Variants in IGSF21 observed in about 807,000 individuals in gnomAD.
IGSF21 encodes immunoglobulin superfamily member 21.
IGSF21 carries 28 observed loss-of-function variants against 46.8 expected under a neutral mutation model. The observed-to-expected ratio is 0.60, with a 90% confidence interval of 0.44 to 0.82. IGSF21 has a LOEUF of 0.82. Ranked by LOEUF, IGSF21 falls within the 40% of genes least tolerant of loss-of-function variation. IGSF21 has a pLI of 0.00. For missense variants in IGSF21, 624 were observed against 665.5 expected (o/e 0.94, Z 0.69); for synonymous variants, 284 against 273.6 (o/e 1.04, Z -0.38).
At chr1:18,342,582 C>T (rs990966493) in intron 4 of IGSF21, among the ~76,000 whole-genome samples, 3 of 152,154 alleles carry the variant, frequency 2.0e-5, no homozygotes, top group African/African-American at 7.2e-5. Context: ...TACACACCAC[C>T]CCACATTGTC....
chr1:18,129,632 T>C (rs1289604817), intron 1 of IGSF21, among the ~76,000 whole-genome samples: 1 of 152,172 alleles, frequency 6.6e-6, no homozygotes, highest in South Asian at 2.1e-4. Flanking sequence ...GGAGCCATCA[T>C]GGAAAGCAGC....
At chr1:18,326,810 G>A (rs766724806) in intron 3 of IGSF21, among the ~76,000 whole-genome samples, 6 of 152,144 alleles carry the variant, frequency 3.9e-5, no homozygotes, top group East Asian at 1.9e-4. Flanking sequence ...TCCCGTAGTC[G>A]ATGGAAGCTG....
chr1:18,152,044 C>T (rs1363708371), intron 1 of IGSF21, among the ~76,000 whole-genome samples: 1 of 152,156 alleles, frequency 6.6e-6, no homozygotes, highest in African/African-American at 2.4e-5. Flanking sequence ...GGAGTGGACT[C>T]CGTGAGGACA....
intron 3 of IGSF21, among the ~76,000 whole-genome samples, chr1:18,323,612 G>C (rs223224): frequency 0.45 from 68,221 of 151,850 alleles, 15,552 homozygotes; most frequent in East Asian, 0.58. Context: ...GAGCCTGAGA[G>C]GGGTCCCAGG....
intron 2 of IGSF21, among the ~76,000 whole-genome samples, chr1:18,256,019 G>T (rs1417996926): frequency 6.6e-6 from 1 of 152,170 alleles, no homozygotes; most frequent in Non-Finnish European, 1.5e-5. Context: ...TCTGTTCCAT[G>T]TCCTACAAAG....
At chr1:18,247,636 A>G (rs2084798139) in intron 2 of IGSF21, among the ~76,000 whole-genome samples, 1 of 152,170 alleles carries the variant, frequency 6.6e-6, no homozygotes, top group African/African-American at 2.4e-5. Flanking sequence ...TATCGCAGGG[A>G]GAAAATGACA....
At chr1:18,349,128 A>G (rs556336857) in intron 4 of IGSF21, among the ~76,000 whole-genome samples, 1 of 152,240 alleles carries the variant, frequency 6.6e-6, no homozygotes, top group East Asian at 1.9e-4. Context: ...TGTTATTCCC[A>G]TTTTTACAGA....
chr1:18,253,033 A>T (rs2084857546), intron 2 of IGSF21, among the ~76,000 whole-genome samples: 1 of 151,852 alleles, frequency 6.6e-6, no homozygotes, highest in Non-Finnish European at 1.5e-5. Context: ...TCCCCCTCAC[A>T]CCCAGCACCC....
At chr1:18,239,247 A>G (rs2084701904) in intron 2 of IGSF21, among the ~76,000 whole-genome samples, 1 of 151,166 alleles carries the variant, frequency 6.6e-6, no homozygotes, top group Non-Finnish European at 1.5e-5. Flanking sequence ...CCAGCACACC[A>G]GTGAAAAGAA....
Position 18,290,344 on chromosome 1 carries a change from G to A in IGSF21, c.184-1522G>A, listed in dbSNP as rs1262713838. On this transcript the variant is annotated intron_variant, in intron 2 of 9. Coordinates refer to ENST00000251296, the MANE Select transcript of IGSF21 (RefSeq NM_032880.5). The surrounding 1 kb of genome is among the most constrained non-coding windows in gnomAD (Gnocchi z 4.2). ...GAAGAAAGTGACGCGTGTACATGTC[G>A]CTAAGTCCCGACAGAGATAGGAGGG... Among the ~76,000 whole-genome samples, 3 of 152,124 alleles carry A rather than the reference G, an allele frequency of 2.0e-5. 1 individual carries two copies. The highest frequency in any genetic ancestry group is 4.1e-4 in the South Asian group (2 of 4,820).
At chr1:18,142,285 T>G (rs2086421820) in intron 1 of IGSF21, among the ~76,000 whole-genome samples, 2 of 152,118 alleles carry the variant, frequency 1.3e-5, no homozygotes. Context: ...ACAGCCTATG[T>G]AGGAGGCTCG....
chr1:18,138,186 G>T (rs1229311089), intron 1 of IGSF21, among the ~76,000 whole-genome samples: 4 of 152,186 alleles, frequency 2.6e-5, no homozygotes, highest in African/African-American at 4.8e-5. Flanking sequence ...TTGCTCTGGA[G>T]CCCCAAGCAT....
At chr1:18,127,605 CT>C (rs2086284502) in intron 1 of IGSF21, among the ~76,000 whole-genome samples, 1 of 152,106 alleles carries the variant, frequency 6.6e-6, no homozygotes. Flanking sequence ...AGTTTTTCAT[CT>C]GCAAAATGGG....
chr1:18,151,196 C>T (rs2086518988), intron 1 of IGSF21, among the ~76,000 whole-genome samples: 1 of 152,234 alleles, frequency 6.6e-6, no homozygotes, highest in Non-Finnish European at 1.5e-5. Context: ...TCATGAGCCA[C>T]TTGTCACAGT....
intron 2 of IGSF21, among the ~76,000 whole-genome samples, chr1:18,281,120 C>CGAATGAAT (rs10652866): frequency 9.0e-6 from 1 of 110,736 alleles, no homozygotes; most frequent in African/African-American, 3.0e-5. Flanking sequence ...AAGAAATGAA[C>CGAATGAAT]GAATGAATGA....
intron 2 of IGSF21, among the ~76,000 whole-genome samples, chr1:18,236,704 C>G (rs1205287026): frequency 6.9e-6 from 1 of 145,656 alleles, no homozygotes; most frequent in Non-Finnish European, 1.5e-5. Flanking sequence ...GGAGGAGGAA[C>G]AGCCAGCAAG....
At chr1:18,219,582 A>G (rs140545601) in intron 1 of IGSF21, among the ~76,000 whole-genome samples, 2,826 of 152,248 alleles carry the variant, frequency 0.019, 30 homozygotes, top group Non-Finnish European at 0.03. Flanking sequence ...CATATATTTT[A>G]TAGAGCTTAC....
At chr1:18,291,811 G>A in intron 2 of IGSF21, 55 bp from the exon 3 acceptor site, 1 of 1,598,578 alleles carries the variant, frequency 6.3e-7, no homozygotes, top group South Asian at 1.1e-5. Flanking sequence ...TGGGGAAAGG[G>A]GTGACCAGGG....
intron 1 of IGSF21, among the ~76,000 whole-genome samples, chr1:18,159,024 T>C (rs899839175): frequency 2.6e-5 from 4 of 152,172 alleles, no homozygotes; most frequent in African/African-American, 9.6e-5. Context: ...CCCTCCCAGG[T>C]TCCCTGGTGC....
Sources: allele counts gnomAD v4.1 joint callset (sites outside exome capture counted in the v4.1 genomes callset), GRCh38; gene constraint gnomAD v4.1.1; non-coding constraint Gnocchi (gnomAD v3.1); transcripts MANE v1.5; gene names NCBI Gene and HGNC (gene_info 2026-07-23, HGNC 2026-07-21).